ABI3BP: variants seen among roughly 807,000 people sequenced by gnomAD.
ABI3BP encodes the protein ABI family member 3 binding protein.
A neutral mutation model predicts 268.6 loss-of-function variants in ABI3BP; 216 were observed. The ratio of observed to expected loss-of-function variants is 0.80; its 90% CI spans 0.72 to 0.90. ABI3BP has a LOEUF of 0.90. Among genes scored for constraint, ABI3BP ranks in the 40% least tolerant of loss-of-function variants. The pLI is 0.00. For missense variants in ABI3BP, 2,090 were observed against 2,182.4 expected, an observed-to-expected ratio of 0.96 and a Z score of 0.84; for synonymous variants, 730 against 730.0, an observed-to-expected ratio of 1.00 and a Z score of 0.00.
chr3:100,925,724 A>T (rs999249695), intron 2 of ABI3BP, among the ~76,000 whole-genome samples: 1 of 152,060 alleles, frequency 6.6e-6, no homozygotes, highest in African/African-American at 2.4e-5. Context: ...TAAAAAAAAA[A>T]TTATTCTTAA....
chr3:100,770,201 A>T (rs2096497372), intron 62 of ABI3BP, among the ~76,000 whole-genome samples: 2 of 152,190 alleles, frequency 1.3e-5, no homozygotes, highest in Admixed American at 1.3e-4. Flanking sequence ...ACTGTTGTAT[A>T]ACAAATTCAG....
intron 14 of ABI3BP, among the ~76,000 whole-genome samples, chr3:100,853,657 ACT>A (rs1182228979): frequency 6.6e-6 from 1 of 151,942 alleles, no homozygotes; most frequent in Non-Finnish European, 1.5e-5. Context: ...ATATTTATTC[ACT>A]CTTTTTACCT....
intron 1 of ABI3BP, among the ~76,000 whole-genome samples, chr3:100,972,227 T>A (rs1321552972): frequency 6.6e-6 from 1 of 152,222 alleles, no homozygotes; most frequent in Non-Finnish European, 1.5e-5. Context: ...TGTGTGAAAG[T>A]GCTTTTTAAA....
chr3:100,891,809 G>C (rs2044817510), intron 4 of ABI3BP, among the ~76,000 whole-genome samples: 1 of 152,226 alleles, frequency 6.6e-6, no homozygotes, highest in Non-Finnish European at 1.5e-5. Flanking sequence ...GCTGGGTTCT[G>C]TGTGAGATGG....
Position 100,840,102 on chromosome 3 carries a change from G to A in ABI3BP, c.1867C>T (p.Pro623Ser). The A allele has an allele frequency of 6.6e-7, 1 of 1,522,488 alleles. No individual in the cohort carries two copies. The allele number at this position is 1,522,488 out of a possible 1,614,324, so 94.3% of individuals were successfully genotyped here. Residue 623 changes from proline (P) to serine (S), a missense_variant, in exon 23 of 68, where the codon CCT becomes TCT. By Grantham distance (74) the Pro-to-Ser change is moderately conservative (BLOSUM62 -1). Coordinates refer to ENST00000471714, the MANE Select transcript of ABI3BP (RefSeq NM_001375547.2). ...PRPRPRPKTTPSPEVPKSKPA... is the reference protein window; with the variant it reads ...PRPRPRPKTTSSPEVPKSKPA... ...TTGGACTTGGGCACTTCTGGACTAG[G>A]TGTGGTTTTAGGGCGGGGACGGGGG...
intron 8 of ABI3BP, 61 bp from the exon 9 acceptor site, chr3:100,874,994 A>T: frequency 1.1e-6 from 1 of 940,252 alleles, no homozygotes; most frequent in Non-Finnish European, 1.6e-6. Context: ...CATAAAATGA[A>T]GCTCAGCACA....
intron 51 of ABI3BP, among the ~76,000 whole-genome samples, chr3:100,798,410 T>C (rs1308702287): frequency 6.6e-6 from 1 of 152,126 alleles, no homozygotes; most frequent in Non-Finnish European, 1.5e-5. Context: ...TTTTTCTTTT[T>C]TTCCTATGTG....
intron 3 of ABI3BP, among the ~76,000 whole-genome samples, chr3:100,901,079 A>T (rs1165231298): frequency 6.6e-6 from 1 of 152,234 alleles, no homozygotes; most frequent in Non-Finnish European, 1.5e-5. Context: ...CAGTCTTGAA[A>T]TATTGAGAGT....
At chr3:100,816,067 A>T in intron 43 of ABI3BP, 96 bp from the exon 44 acceptor site, 1 of 971,100 alleles carries the variant, frequency 1.0e-6, no homozygotes, top group Non-Finnish European at 1.5e-6. Flanking sequence ...CAAATGATAC[A>T]CAATTTTTTA....
At chr3:100,758,391 A>G (rs1162589823) in intron 63 of ABI3BP, among the ~76,000 whole-genome samples, 2 of 152,226 alleles carry the variant, frequency 1.3e-5, no homozygotes, top group African/African-American at 4.8e-5. Context: ...CTTGACACAT[A>G]GTAATAAGTA....
chr3:100,895,839 T>C (rs1386882700), intron 4 of ABI3BP, among the ~76,000 whole-genome samples: 1 of 152,254 alleles, frequency 6.6e-6, no homozygotes, highest in African/African-American at 2.4e-5. Flanking sequence ...CTAATTACAC[T>C]AATTTGTAGT....
At chr3:100,990,698 G>A (rs1478491117) in intron 1 of ABI3BP, among the ~76,000 whole-genome samples, 2 of 151,752 alleles carry the variant, frequency 1.3e-5, no homozygotes, top group Admixed American at 6.6e-5. Flanking sequence ...TTTATTCAAG[G>A]AATAGGTAGC....
chr3:100,760,734 T>TA (rs1414215449), intron 63 of ABI3BP, among the ~76,000 whole-genome samples: 2 of 152,326 alleles, frequency 1.3e-5, no homozygotes, highest in East Asian at 3.9e-4. Context: ...TTCGCAGAAC[T>TA]AAAGCTAATC....
chr3:100,836,635 G>C (rs957795143), intron 27 of ABI3BP, among the ~76,000 whole-genome samples: 2 of 152,128 alleles, frequency 1.3e-5, no homozygotes, highest in African/African-American at 4.8e-5. Context: ...ATTTTGCATC[G>C]CAAGATGAAT....
At chr3:100,792,890 A>T in intron 54 of ABI3BP, 122 bp from the exon 55 acceptor site, 1 of 763,320 alleles carries the variant, frequency 1.3e-6, no homozygotes, top group Non-Finnish European at 2.2e-6. Flanking sequence ...TTAGAAATAC[A>T]CTCAGTAATC....
rs747479336 is a variant in ABI3BP at position 100,778,312 on chromosome 3, A to G, written c.4305T>C (p.Asn1435=). ...CACTTCCTGGCTTTCCAGTGACATTATTTGGTGGTAAAGGTTTTCTTCGTG... is the reference window on the plus strand; with the variant it reads ...CACTTCCTGGCTTTCCAGTGACATTGTTTGGTGGTAAAGGTTTTCTTCGTG... ...THPRRKPLPP[N]NVTGKPGSAG... is the part of the protein sequence containing the mutation. The change falls in exon 59 of 68, where the codon AAT becomes AAC. Residue 1435 remains asparagine (N), a synonymous_variant. Transcript: ENST00000471714. 34 of 1,613,666 alleles carry G rather than the reference A, an allele frequency of 2.1e-5. No homozygotes were observed. In the Admixed American group the frequency reaches 5.3e-4, roughly 25 times the overall value.
At chr3:100,769,869 G>T (rs930705886) in intron 62 of ABI3BP, among the ~76,000 whole-genome samples, 11 of 152,166 alleles carry the variant, frequency 7.2e-5, no homozygotes, top group African/African-American at 2.4e-4. Flanking sequence ...AAGATAAGCC[G>T]CTTACACTGG....
chr3:100,773,542 T>C (rs2096613779), intron 61 of ABI3BP, among the ~76,000 whole-genome samples: 1 of 152,216 alleles, frequency 6.6e-6, no homozygotes, highest in East Asian at 1.9e-4. Context: ...TGGAAAACAG[T>C]CTTTTAAAAT....
At chr3:100,789,214 A>G (rs1008870253) in intron 56 of ABI3BP, among the ~76,000 whole-genome samples, 5 of 152,088 alleles carry the variant, frequency 3.3e-5, no homozygotes, top group Non-Finnish European at 7.4e-5. Flanking sequence ...ATTTTTAAAT[A>G]CTTTTAAATC....
Sources: allele counts gnomAD v4.1 joint callset (sites outside exome capture counted in the v4.1 genomes callset), GRCh38; gene constraint gnomAD v4.1.1; transcripts MANE v1.5; gene names NCBI Gene and HGNC (gene_info 2026-07-23, HGNC 2026-07-21).